The following CTBP1 variants were observed in gnomAD, a reference collection of about 807,000 sequenced individuals.
CTBP1 encodes C-terminal binding protein 1.
CTBP1 carries 11 observed loss-of-function variants against 42.1 expected under a neutral mutation model. That is an observed-to-expected ratio of 0.26 (90% CI 0.16 to 0.43). The LOEUF is 0.43. Among genes scored for constraint, CTBP1 ranks in the 20% least tolerant of loss-of-function variants. The probability of loss-of-function intolerance (pLI) is 1.00; values close to 1 mark genes in which losing one functional copy is unlikely to be tolerated. For synonymous variants in CTBP1, 324 were observed against 277.1 expected (o/e 1.17, Z -1.68); for missense variants, 399 against 624.3 (o/e 0.64, Z 3.85).
At chr4:1,249,968 G>A, upstream of CTBP1, 1 of 169,802 alleles carries the variant, frequency 5.9e-6, no homozygotes, top group Non-Finnish European at 1.3e-5. Context: ...GCTCACCCAG[G>A]GGCTGCCCCT....
chr4:1,214,281 G>T (rs1175345401), intron 7 of CTBP1, 62 bp downstream of exon 7: 1 of 1,480,378 alleles, frequency 6.8e-7, no homozygotes, highest in African/African-American at 1.5e-5. Flanking sequence ...CCGTCTGGAG[G>T]TCAAGGCCGG....
chr4:1,222,704 C>T (rs1729884305), intron 5 of CTBP1, among the ~76,000 whole-genome samples: 1 of 152,178 alleles, frequency 6.6e-6, no homozygotes. Context: ...TTCCAACCCC[C>T]ACTCAGCACG....
At chr4:1,228,472 G>A (rs180900300) in intron 3 of CTBP1, 129 bp from the exon 4 acceptor site, 292 of 1,169,410 alleles carry the variant, frequency 2.5e-4, no homozygotes, top group Middle Eastern at 2.5e-3. Flanking sequence ...GCACCAGCCC[G>A]GACACTGGGA....
chr4:1,224,669 T>C (rs1038361973), intron 5 of CTBP1, among the ~76,000 whole-genome samples: 1 of 152,032 alleles, frequency 6.6e-6, no homozygotes, highest in Non-Finnish European at 1.5e-5. Flanking sequence ...CTGTGTGCTG[T>C]GACGTCCGTG....
intron 2 of CTBP1, among the ~76,000 whole-genome samples, chr4:1,240,201 G>A (rs1449628034): frequency 6.8e-6 from 1 of 147,438 alleles, no homozygotes; most frequent in African/African-American, 2.5e-5. Context: ...CGGGTGCTGG[G>A]TGAGTGGGAA....
intron 4 of CTBP1, among the ~76,000 whole-genome samples, chr4:1,227,455 T>G (rs201575592): frequency 7.0e-6 from 1 of 143,810 alleles, no homozygotes; most frequent in Non-Finnish European, 1.5e-5. Context: ...TGTGCACGGG[T>G]GCAGATGAGT....
chr4:1,239,074 G>A (rs1370866309), intron 2 of CTBP1, among the ~76,000 whole-genome samples: 1 of 152,248 alleles, frequency 6.6e-6, no homozygotes, highest in Non-Finnish European at 1.5e-5. Context: ...AGGAAGAAAA[G>A]GGTTAAAACC....
intron 1 of CTBP1, chr4:1,244,208 G>A (rs182178256): frequency 7.6e-5 from 75 of 985,136 alleles, no homozygotes; most frequent in African/African-American, 8.7e-5. Context: ...TGTTGGCCAC[G>A]CCTGCCCACT....
intron 1 of CTBP1, among the ~76,000 whole-genome samples, chr4:1,247,571 C>T (rs988177012): frequency 1.3e-5 from 2 of 152,164 alleles, no homozygotes; most frequent in Non-Finnish European, 2.9e-5. Flanking sequence ...TCCTCAGCTG[C>T]AACGGCAAAT....
chr4:1,242,474 G>GT, intron 1 of CTBP1: 1 of 985,098 alleles, frequency 1.0e-6, no homozygotes, highest in Non-Finnish European at 1.2e-6. Context: ...GTAGTGTGCT[G>GT]TGAGGCCGCC....
In CTBP1 at chr4:1,246,197, G is replaced by C. The variant is rs571677685; in HGVS notation, c.-189+2719C>G. ...CACTGCAGCTGACAATGGAGGACCCGGGGGTCCAGACACTCCCGGCACAGA... is the reference window on the plus strand; with the variant it reads ...CACTGCAGCTGACAATGGAGGACCCCGGGGTCCAGACACTCCCGGCACAGA... On this transcript the variant is annotated intron_variant, in intron 1 of 9. Coordinates refer to ENST00000382952, the MANE Select transcript of CTBP1 (RefSeq NM_001012614.2). 4.6e-5 allele frequency among the ~76,000 whole-genome samples: 7 copies of C among 152,148 alleles called. 1 individual carries two copies. The South Asian group carries it at 1.2e-3, about 27-fold the overall frequency.
At chr4:1,220,137 G>A (rs1302909710) in intron 5 of CTBP1, among the ~76,000 whole-genome samples, 1 of 151,546 alleles carries the variant, frequency 6.6e-6, no homozygotes, top group Non-Finnish European at 1.5e-5. Flanking sequence ...AGGAAGTGGA[G>A]GTTGCAGTGA....
At chr4:1,222,507 A>G (rs1386473979) in intron 5 of CTBP1, among the ~76,000 whole-genome samples, 1 of 152,104 alleles carries the variant, frequency 6.6e-6, no homozygotes, top group Non-Finnish European at 1.5e-5. Context: ...TGCAGGGCAG[A>G]ACGCCCATGG....
chr4:1,230,161 T>C (rs765267568), intron 3 of CTBP1, among the ~76,000 whole-genome samples: 4 of 151,860 alleles, frequency 2.6e-5, no homozygotes, highest in Admixed American at 6.6e-5. Flanking sequence ...GTGCACCAGA[T>C]GCAGTGTGGA....
Position 1,235,794 on chromosome 4 carries a change from C to T in CTBP1, c.162+2389G>A, listed in dbSNP as rs889799323. ...ACCTCTGTTTGCATGTGATGGACCC[C>T]GCACCAGATGGTGATTTGTAGAAAT... On this transcript the variant is annotated intron_variant, in intron 3 of 9. Transcript: ENST00000382952. The surrounding 1 kb of genome is among the most constrained non-coding windows in gnomAD (Gnocchi z 4.2). 2 of 152,174 alleles carry T rather than the reference C, an allele frequency of 1.3e-5. No individual in the cohort carries two copies. Among genetic ancestry groups the T allele is most frequent in the Non-Finnish European group, 2.9e-5 (2 of 68,034 alleles). 9.4% of individuals were successfully genotyped at this position (152,174 alleles called of 1,614,324 possible).
intron 5 of CTBP1, among the ~76,000 whole-genome samples, chr4:1,219,806 G>A (rs1036292079): frequency 2.0e-5 from 3 of 152,172 alleles, no homozygotes; most frequent in Admixed American, 6.5e-5. Flanking sequence ...AGGATAACAG[G>A]CACAAGCCAC....
At chr4:1,230,898 G>A (rs1730899059) in intron 3 of CTBP1, among the ~76,000 whole-genome samples, 2 of 152,258 alleles carry the variant, frequency 1.3e-5, no homozygotes, top group Non-Finnish European at 2.9e-5. Context: ...CTCCGGGCGC[G>A]CCCACCCAGC....
At chr4:1,242,479 GC>G (rs1732279383) in intron 1 of CTBP1, 2 of 985,088 alleles carry the variant, frequency 2.0e-6, no homozygotes, top group Non-Finnish European at 2.4e-6. Flanking sequence ...GTGCTGTGAG[GC>G]CGCCCCTGCG....
At position 1,235,826 on chromosome 4, in the gene CTBP1, A is replaced by T. The variant is rs1342511056; in HGVS notation, c.162+2357T>A. 1 of 152,180 alleles carries T rather than the reference A, an allele frequency of 6.6e-6. No homozygotes were observed. The highest frequency in any genetic ancestry group is 2.4e-5 in the African/African-American group (1 of 41,418). 9.4% of individuals were successfully genotyped at this position (152,180 alleles called of 1,614,324 possible). On this transcript the variant is annotated intron_variant, in intron 3 of 9. Transcript: ENST00000382952. This position sits in a 1 kb window ranked among gnomAD's most constrained non-coding sequence, Gnocchi z 4.2. ...GATGGTGATTTGTAGAAATGACCCG[A>T]GGCCTCGGCTGACGCTGTCTTCCTC...
Sources: gnomAD v4.1 joint callset for allele counts (sites outside exome capture counted in the v4.1 genomes callset) on GRCh38, gnomAD v4.1.1 for gene constraint, Gnocchi (gnomAD v3.1) non-coding constraint, MANE v1.5 for transcripts, NCBI Gene and HGNC (gene_info 2026-07-23, HGNC 2026-07-21) for gene names.